CARD10: variants seen among roughly 807,000 people sequenced by gnomAD.
The protein encoded by CARD10 is caspase recruitment domain-containing protein 10.
In CARD10, 49 loss-of-function variants were observed where a neutral mutation model predicts 114.6. That is an observed-to-expected ratio of 0.43 (90% CI 0.34 to 0.54). The LOEUF (loss-of-function observed/expected upper bound fraction) is 0.54. Among genes scored for constraint, CARD10 ranks in the 20% least tolerant of loss-of-function variants. CARD10 has a pLI of 0.03. For synonymous variants in CARD10, 602 were observed against 593.2 expected, an observed-to-expected ratio of 1.01 and a Z score of -0.21; for missense variants, 1,206 against 1,397.2, an observed-to-expected ratio of 0.86 and a Z score of 2.18.
In CARD10 at chr22:37,509,104, C is replaced by A. The variant is rs988831221; in HGVS notation, c.910-422G>T. On this transcript the variant is annotated intron_variant, in intron 4 of 19. Coordinates refer to ENST00000251973, the MANE Select transcript of CARD10 (RefSeq NM_014550.4). Reference sequence around the variant, plus strand: ...CTGAGCCTGGCCCATACAGGTAGACCCTGGGCCCAAGATCTTGCCCCCAGA... The same window carrying A: ...CTGAGCCTGGCCCATACAGGTAGACACTGGGCCCAAGATCTTGCCCCCAGA... 5 of 1,528,432 alleles carry A rather than the reference C, an allele frequency of 3.3e-6. No individual in the cohort carries two copies. The Admixed American group carries it at 6.2e-5, about 19-fold the overall frequency. 94.7% of individuals were successfully genotyped at this position (1,528,432 alleles called of 1,614,324 possible).
chr22:37,496,517 G>A lies in CARD10; in HGVS notation c.1991C>T (p.Ala664Val), dbSNP rs1432833592. 6.2e-7 allele frequency: 1 copy of A among 1,613,832 alleles called. No individual in the cohort carries two copies. Among genetic ancestry groups the A allele is most frequent in the East Asian group, 2.2e-5 (1 of 44,868 alleles). ...GAGCAAGGTTCTCTGCTGGGCCTCG[G>A]CTTCCAGGCACGCCCCCTCCAGACC... ...AAGLEGACLE[A>V]EAQQRTLLWN... Residue 664 changes from alanine to valine, a missense_variant, in exon 13 of 20, where the codon GCC becomes GTC. Transcript: ENST00000251973. The surrounding 1 kb of genome is among the most constrained non-coding windows in gnomAD (Gnocchi z 4.1).
rs1016939143 is a variant in CARD10 at position 37,490,894 on chromosome 22, A to G, written c.*265T>C. ...GTTTAAGGAGAAGACACAGACACAC[A>G]TAAGACCCACTAGTGGGAATGTGGA... On this transcript the variant is annotated 3_prime_UTR_variant, in exon 20 of 20. Transcript: ENST00000251973. 1 of 543,136 alleles carries G rather than the reference A, an allele frequency of 1.8e-6. No homozygotes were observed. The allele number at this position is 543,136 out of a possible 1,614,324, so 33.6% of individuals were successfully genotyped here. A position where few individuals can be genotyped will look rare whatever the true frequency, so the allele number is the denominator to read the frequency against.
chr22:37,494,304 C>G, intron 15 of CARD10, 116 bp from the exon 16 acceptor site: 1 of 672,808 alleles, frequency 1.5e-6, no homozygotes, highest in South Asian at 1.9e-5. Context: ...TCCAGGCTTG[C>G]CAGAAGAGCC....
chr22:37,494,969 GTT>G (rs11330766), intron 15 of CARD10, among the ~76,000 whole-genome samples: 1 of 146,926 alleles, frequency 6.8e-6, no homozygotes, highest in African/African-American at 2.5e-5. Flanking sequence ...TGTTTTTTTT[GTT>G]TTTTTTTTTG....
At position 37,497,123 on chromosome 22, in the gene CARD10, C is replaced by T; in HGVS notation, c.1843G>A (p.Asp615Asn). The change falls in exon 12 of 20, where the codon GAC becomes AAC. Residue 615 changes from aspartate (D) to asparagine (N), a missense_variant. Asp to Asn is a conservative substitution (Grantham distance 23). Transcript: ENST00000251973. The part of the protein sequence containing the change: ...RSPPGGPEPQ[D>N]KGPDGLSFYG... ...AACGACAGTCCATCTGGTCCCTTGT[C>T]CTGCGGCTCTGGGCCCCCTGGGGGG... is the stretch of plus-strand genomic sequence containing the variant. The T allele has an allele frequency of 6.2e-7, 1 of 1,614,246 alleles. No homozygotes were observed. Among genetic ancestry groups the T allele is most frequent in the Non-Finnish European group, 8.5e-7 (1 of 1,180,046 alleles).
intron 2 of CARD10, 110 bp from the exon 3 acceptor site, chr22:37,516,408 G>A: frequency 2.7e-6 from 2 of 752,488 alleles, no homozygotes. Flanking sequence ...GGGAAATTCT[G>A]GAATATATTT....
At chr22:37,494,463 C>G in intron 15 of CARD10, 1 of 508,228 alleles carries the variant, frequency 2.0e-6, no homozygotes, top group Non-Finnish European at 3.5e-6. Flanking sequence ...AGGTATACCC[C>G]CCAAGCTACA....
At position 37,497,035 on chromosome 22, in the gene CARD10, C is replaced by G. The variant is rs762799154; in HGVS notation, c.1931G>C (p.Arg644Thr). The G allele has an allele frequency of 5.6e-6, 9 of 1,613,444 alleles. No individual in the cohort carries two copies. The highest frequency in any genetic ancestry group is 7.6e-6 in the Non-Finnish European group (9 of 1,179,702). ...GGGCCTCACCTCTCTTGGTTCCATC[C>G]TGGCGGACCCAGGCCCAGACAGCAC... ...RRVLSGPGSA[R>T]MEPREQRVEA... The change falls in exon 12 of 20, where the codon AGG (arginine) becomes ACG (threonine). Residue 644 changes from arginine to threonine, a missense_variant. Arg to Thr is a moderately conservative substitution (Grantham distance 71, BLOSUM62 -1). Around this residue, in one of 2 missense-constraint regions of CARD10, gnomAD observed 1,068 missense variants for 1,179.1 expected, o/e 0.91. Coordinates refer to ENST00000251973, the MANE Select transcript of CARD10 (RefSeq NM_014550.4).
intron 3 of CARD10, among the ~76,000 whole-genome samples, chr22:37,513,792 G>C (rs971258411): frequency 6.6e-6 from 1 of 152,166 alleles, no homozygotes; most frequent in Admixed American, 6.5e-5. Flanking sequence ...GCAGTGCTGA[G>C]AGCCAACTCA....
Position 37,503,600 on chromosome 22 carries a change from G to A in CARD10, c.1635-387C>T, listed in dbSNP as rs557463038. ...AAATTAAACCATGACCTCCTCATCA[G>A]ACACCTCCTTGGGACAGATTTACGC... On this transcript the variant is annotated intron_variant, in intron 9 of 19. Transcript: ENST00000251973. Among the ~76,000 whole-genome samples the A allele has an allele frequency of 1.2e-4, 18 of 152,138 alleles. 1 individual carries two copies. The South Asian group carries it at 2.7e-3, about 23-fold the overall frequency.
Position 37,491,410 on chromosome 22 carries a change from G to C in CARD10, c.2865-17C>G. 3 of 1,454,696 alleles carry C rather than the reference G, an allele frequency of 2.1e-6. No homozygotes were observed. The highest frequency in any genetic ancestry group is 2.7e-6 in the Non-Finnish European group (3 of 1,102,804). The allele number at this position is 1,454,696 out of a possible 1,614,324, so 90.1% of individuals were successfully genotyped here. A position where few individuals can be genotyped will look rare whatever the true frequency, so the allele number is the denominator to read the frequency against. ...AGCAGACCCCTGCCGAGAGAAGAGT[G>C]AGCAGCGGTCAAAGTGGGGGACCAA... On this transcript the variant is annotated splice_polypyrimidine_tract_variant and intron_variant, in intron 19 of 19. Coordinates refer to ENST00000251973, the MANE Select transcript of CARD10 (RefSeq NM_014550.4).
Position 37,496,628 on chromosome 22 carries a change from A to G in CARD10, c.1948-68T>C. 1 of 1,111,082 alleles carries G rather than the reference A, an allele frequency of 9.0e-7. No homozygotes were observed. Among genetic ancestry groups the G allele is most frequent in the South Asian group, 1.3e-5 (1 of 78,432 alleles). 68.8% of individuals were successfully genotyped at this position (1,111,082 alleles called of 1,614,324 possible). A position where few individuals can be genotyped will look rare whatever the true frequency, so the allele number is the denominator to read the frequency against. ...GAGAGTAGAGCAGCCCAGGGGCTGG[A>G]GGAAGACCAGGTGTGGGGGTGTTTC... On this transcript the variant is annotated intron_variant, in intron 12 of 19. Coordinates refer to ENST00000251973, the MANE Select transcript of CARD10 (RefSeq NM_014550.4). The surrounding 1 kb of genome is among the most constrained non-coding windows in gnomAD (Gnocchi z 4.1).
Position 37,519,316 on chromosome 22 carries a change from G to GCGCGCCCCGAGCTCCCCGCGA in CARD10, c.-137_-117dup. 7.5e-7 allele frequency: 1 copy of GCGCGCCCCGAGCTCCCCGCGA among 1,341,086 alleles called. No homozygotes were observed. Among genetic ancestry groups the GCGCGCCCCGAGCTCCCCGCGA allele is most frequent in the Non-Finnish European group, 9.5e-7 (1 of 1,049,690 alleles). The allele number at this position is 1,341,086 out of a possible 1,614,324, so 83.1% of individuals were successfully genotyped here. ...GTCGTCCGCAGACCCGCCGTCGGGG[G>GCGCGCCCCGAGCTCCCCGCGA]CGCGCCCCGAGCTCCCCGCGACTCA... On this transcript the variant is annotated 5_prime_UTR_variant, in exon 1 of 20. Coordinates refer to ENST00000251973, the MANE Select transcript of CARD10 (RefSeq NM_014550.4). This position sits in a 1 kb window ranked among gnomAD's most constrained non-coding sequence, Gnocchi z 4.1.
At position 37,506,235 on chromosome 22, in the gene CARD10, A is replaced by C; in HGVS notation, c.1340T>G (p.Leu447Arg). Residue 447 changes from leucine (L) to arginine (R), a missense_variant, in exon 7 of 20, where the codon CTG becomes CGG. By Grantham distance (102) the Leu-to-Arg change is moderately radical. This residue lies in a region of CARD10 where 1,068 missense variants were observed against 1,179.1 expected (regional missense o/e 0.91). Coordinates refer to ENST00000251973, the MANE Select transcript of CARD10 (RefSeq NM_014550.4). ...CTGGGCCCGCTGCAGCTGAACCTCC[A>C]GCAGAGCCTTGGTGCCCTCCAGGCT... ...LTSLEGTKAL[L>R]EVQLQRAQGG... 6.2e-7 allele frequency: 1 copy of C among 1,601,520 alleles called. No individual in the cohort carries two copies. Among genetic ancestry groups the C allele is most frequent in the Non-Finnish European group, 8.5e-7 (1 of 1,173,404 alleles).
At position 37,501,039 on chromosome 22, in the gene CARD10, G is replaced by A. The variant is rs77517016; in HGVS notation, c.1787+1563C>T. Among the ~76,000 whole-genome samples the A allele has an allele frequency of 1.8e-3, 281 of 152,080 alleles. No homozygotes were observed. Among genetic ancestry groups the A allele is most frequent in the Middle Eastern group, 0.01 (3 of 294 alleles). ...CACCAAAGCCAGCTCTTCCCACCTC[G>A]CCATAACACAATCCCAGGAGACACA... On this transcript the variant is annotated intron_variant, in intron 11 of 19. Coordinates refer to ENST00000251973, the MANE Select transcript of CARD10 (RefSeq NM_014550.4). This position sits in a 1 kb window ranked among gnomAD's most constrained non-coding sequence, Gnocchi z 5.4.
At chr22:37,494,337 T>C (rs1922916963) in intron 15 of CARD10, 149 bp from the exon 16 acceptor site, 1 of 610,608 alleles carries the variant, frequency 1.6e-6, no homozygotes, top group Non-Finnish European at 2.9e-6. Context: ...GATGTCCTTC[T>C]CCACCAGGCC....
chr22:37,519,153 G>T lies in CARD10; in HGVS notation c.48C>A (p.Ala16=). The T allele has an allele frequency of 6.5e-7, 1 of 1,542,990 alleles. No individual in the cohort carries two copies. The highest frequency in any genetic ancestry group is 8.7e-7 in the Non-Finnish European group (1 of 1,150,524). ...CCTCCTCCGCCTCAGACCCCGAGCC[G>T]GCCCCGGCCTCCTCCTCGGCCTCCC... ...EAGEAEEEAG[A]GSGSEAEEDA... is the part of the protein sequence containing the mutation. Residue 16 remains alanine, a synonymous_variant, in exon 1 of 20, where the codon GCC becomes GCA. Transcript: ENST00000251973. This position sits in a 1 kb window ranked among gnomAD's most constrained non-coding sequence, Gnocchi z 4.1.
chr22:37,516,703 A>G (rs1371802567), intron 2 of CARD10, among the ~76,000 whole-genome samples: 6 of 152,214 alleles, frequency 3.9e-5, no homozygotes, highest in Admixed American at 3.9e-4. Flanking sequence ...ATACAGGAAA[A>G]TATGCACCAA....
rs531093561 is a variant in CARD10 at position 37,501,006 on chromosome 22, A to T, written c.1787+1596T>A. 6.6e-6 allele frequency among the ~76,000 whole-genome samples: 1 copy of T among 152,250 alleles called. No individual in the cohort carries two copies. The highest frequency in any genetic ancestry group is 2.4e-5 in the African/African-American group (1 of 41,538). ...ACATGCCCAAGGTCCCACAGTAGCAAGTGCTGACACCAAAGCCAGCTCTTC... is the reference window on the plus strand; with the variant it reads ...ACATGCCCAAGGTCCCACAGTAGCATGTGCTGACACCAAAGCCAGCTCTTC... On this transcript the variant is annotated intron_variant, in intron 11 of 19. Coordinates refer to ENST00000251973, the MANE Select transcript of CARD10 (RefSeq NM_014550.4). The surrounding 1 kb of genome is among the most constrained non-coding windows in gnomAD (Gnocchi z 5.4).
Sources: gnomAD v4.1 joint callset for allele counts (sites outside exome capture counted in the v4.1 genomes callset) on GRCh38, gnomAD v4.1.1 for gene constraint, gnomAD v4.1.1 regional missense constraint, Gnocchi (gnomAD v3.1) non-coding constraint, MANE v1.5 for transcripts, NCBI Gene and HGNC (gene_info 2026-07-23, HGNC 2026-07-21) for gene names.